The following IQCM variants were observed in gnomAD, a reference collection of about 807,000 sequenced individuals.
The protein encoded by IQCM is IQ domain-containing protein M.
IQCM carries 45 observed loss-of-function variants against 57.6 expected under a neutral mutation model. That is an observed-to-expected ratio of 0.78 (90% CI 0.62 to 1.00). The LOEUF (loss-of-function observed/expected upper bound fraction) is 1.00, where lower values mean the gene tolerates loss of function less well. Ranked by LOEUF, IQCM falls within the 50% of genes least tolerant of loss-of-function variation. The probability of loss-of-function intolerance (pLI) is 0.00; values close to 1 mark genes in which losing one functional copy is unlikely to be tolerated. For missense variants in IQCM, 468 were observed against 511.6 expected (o/e 0.91, Z 0.82); for synonymous variants, 148 against 158.9 (o/e 0.93, Z 0.51).
chr4:149,440,347 G>C (rs17026252), intron 12 of IQCM, among the ~76,000 whole-genome samples: 4,350 of 151,654 alleles, frequency 0.029, 180 homozygotes, highest in African/African-American at 0.097. Context: ...GCATCATTTT[G>C]GTTATTTTTC....
intron 13 of IQCM, among the ~76,000 whole-genome samples, chr4:149,390,713 G>T (rs574772092): frequency 1.3e-5 from 2 of 151,626 alleles, no homozygotes; most frequent in African/African-American, 4.8e-5. Context: ...ATTGTATAAC[G>T]CATTAATTGA....
intron 5 of IQCM, among the ~76,000 whole-genome samples, chr4:149,714,179 A>G (rs1314543010): frequency 6.6e-6 from 1 of 152,172 alleles, no homozygotes; most frequent in Non-Finnish European, 1.5e-5. Context: ...AGTAGATCCA[A>G]CACTCTCTGC....
Position 149,483,176 on chromosome 4 carries a change from G to A in IQCM, c.1229-49619C>T, listed in dbSNP as rs547065380. On this transcript the variant is annotated intron_variant, in intron 12 of 13. Coordinates refer to ENST00000636793, the MANE Select transcript of IQCM (RefSeq NM_001363507.2). Reference sequence around the variant, plus strand: ...GCATCTTCTCTCTTTTTTGTAGTTAGTTTGGCTAAGGGTTTGTTGATTTTC... The same window carrying A: ...GCATCTTCTCTCTTTTTTGTAGTTAATTTGGCTAAGGGTTTGTTGATTTTC... 2.0e-5 allele frequency among the ~76,000 whole-genome samples: 3 copies of A among 151,596 alleles called. No individual in the cohort carries two copies. The East Asian group carries it at 5.8e-4, about 29-fold the overall frequency.
intron 12 of IQCM, among the ~76,000 whole-genome samples, chr4:149,472,830 G>T (rs200351431): frequency 1.3e-5 from 2 of 151,942 alleles, no homozygotes; most frequent in East Asian, 3.9e-4. Flanking sequence ...CATCTACAAT[G>T]ATCTGATCTT....
At chr4:149,511,452 C>T (rs1314751407) in intron 12 of IQCM, among the ~76,000 whole-genome samples, 4 of 151,728 alleles carry the variant, frequency 2.6e-5, no homozygotes, top group East Asian at 1.9e-4. Context: ...CACTTGAACC[C>T]GGGAGGCAGA....
At chr4:149,797,958 A>C (rs1773265799) in intron 2 of IQCM, among the ~76,000 whole-genome samples, 1 of 151,998 alleles carries the variant, frequency 6.6e-6, no homozygotes, top group Admixed American at 6.6e-5. Flanking sequence ...AATCAGAAAA[A>C]AAAAAGACAT....
chr4:149,357,409 G>A (rs1038140748), intron 13 of IQCM, among the ~76,000 whole-genome samples: 2 of 152,222 alleles, frequency 1.3e-5, no homozygotes, highest in Admixed American at 6.5e-5. Context: ...ATTATTTTGA[G>A]ATACGTCCCA....
chr4:149,518,599 G>T (rs986132643), intron 12 of IQCM, among the ~76,000 whole-genome samples: 2 of 152,102 alleles, frequency 1.3e-5, no homozygotes, highest in African/African-American at 4.8e-5. Context: ...AGGAAAATAG[G>T]AAGAAAAGAA....
At chr4:149,500,436 T>C (rs1340311588) in intron 12 of IQCM, among the ~76,000 whole-genome samples, 3 of 152,150 alleles carry the variant, frequency 2.0e-5, no homozygotes, top group African/African-American at 7.2e-5. Flanking sequence ...TAAATTAACA[T>C]TTAAGTGTAT....
intron 9 of IQCM, among the ~76,000 whole-genome samples, chr4:149,569,121 T>C (rs1046913415): frequency 6.6e-6 from 1 of 152,206 alleles, no homozygotes; most frequent in Non-Finnish European, 1.5e-5. Flanking sequence ...AAGAGAGAAG[T>C]TGTGCCCACT....
chr4:149,562,407 ACATC>A (rs532918211), intron 10 of IQCM, among the ~76,000 whole-genome samples: 140 of 152,320 alleles, frequency 9.2e-4, no homozygotes, highest in African/African-American at 2.2e-3. Flanking sequence ...AATCTAAGAG[ACATC>A]CAGGTTTATG....
At chr4:149,700,788 T>C (rs887682155) in intron 5 of IQCM, among the ~76,000 whole-genome samples, 2 of 152,004 alleles carry the variant, frequency 1.3e-5, no homozygotes, top group Admixed American at 1.3e-4. Context: ...ATAAATTAGA[T>C]TGTGATGCAT....
At chr4:149,414,143 A>G (rs1733583336) in intron 13 of IQCM, among the ~76,000 whole-genome samples, 1 of 152,200 alleles carries the variant, frequency 6.6e-6, no homozygotes, top group African/African-American at 2.4e-5. Flanking sequence ...CGTCTTATTT[A>G]TCATCTCCTC....
intron 12 of IQCM, among the ~76,000 whole-genome samples, chr4:149,517,475 A>G (rs1745100215): frequency 6.6e-6 from 1 of 152,202 alleles, no homozygotes; most frequent in Non-Finnish European, 1.5e-5. Flanking sequence ...ATTGTTAGGC[A>G]TAATTATGAC....
chr4:149,746,040 A>G (rs745928845), intron 2 of IQCM, among the ~76,000 whole-genome samples: 3 of 128,576 alleles, frequency 2.3e-5, no homozygotes, highest in Non-Finnish European at 4.8e-5. Flanking sequence ...TTCTTTTGGC[A>G]AAAAAAAAAA....
intron 5 of IQCM, among the ~76,000 whole-genome samples, chr4:149,725,280 AC>A (rs1765792251): frequency 1.3e-5 from 2 of 152,146 alleles, no homozygotes. Flanking sequence ...CACGCAGTAC[AC>A]ACTTTTCTTT....
chr4:149,594,367 C>T (rs1278316669), intron 8 of IQCM, among the ~76,000 whole-genome samples: 4 of 152,058 alleles, frequency 2.6e-5, no homozygotes, highest in Non-Finnish European at 5.9e-5. Context: ...ATTAGTCTTG[C>T]TAGCGGTCTA....
At chr4:149,723,063 G>C (rs999163529) in intron 5 of IQCM, among the ~76,000 whole-genome samples, 24 of 152,104 alleles carry the variant, frequency 1.6e-4, no homozygotes, top group African/African-American at 5.8e-4. Context: ...AAAAGGGACT[G>C]AGTTCTTTAT....
intron 5 of IQCM, among the ~76,000 whole-genome samples, chr4:149,731,155 T>C (rs777890734): frequency 1.8e-4 from 28 of 152,226 alleles, no homozygotes; most frequent in Non-Finnish European, 3.2e-4. Context: ...AATATTCATG[T>C]TGGAACCTAA....
Sources: allele counts gnomAD v4.1 joint callset (sites outside exome capture counted in the v4.1 genomes callset), GRCh38; gene constraint gnomAD v4.1.1; transcripts MANE v1.5; gene names NCBI Gene and HGNC (gene_info 2026-07-23, HGNC 2026-07-21).